MTUS1: variants seen among roughly 807,000 people sequenced by gnomAD.
The protein encoded by MTUS1 is microtubule associated scaffold protein 1.
MTUS1 carries 109 observed loss-of-function variants against 120.8 expected under a neutral mutation model. The ratio of observed to expected loss-of-function variants is 0.90; its 90% CI spans 0.77 to 1.06. The LOEUF (loss-of-function observed/expected upper bound fraction) is 1.06, where lower values mean the gene tolerates loss of function less well. MTUS1 is among the 50% of genes least tolerant of loss of function. MTUS1 has a pLI of 0.00. For synonymous variants in MTUS1, 737 were observed against 550.5 expected, an observed-to-expected ratio of 1.34 and a Z score of -4.74; for missense variants, 2,210 against 1,486.3, an observed-to-expected ratio of 1.49 and a Z score of -8.01.
chr8:17,783,506 G>A (rs1001098960), intron 1 of MTUS1, among the ~76,000 whole-genome samples: 1 of 152,074 alleles, frequency 6.6e-6, no homozygotes, highest in Admixed American at 6.5e-5. Context: ...TAGACATGGA[G>A]GAGGAGATGA....
intron 1 of MTUS1, among the ~76,000 whole-genome samples, chr8:17,799,504 T>C (rs1048084857): frequency 2.6e-5 from 4 of 152,196 alleles, no homozygotes; most frequent in African/African-American, 9.6e-5. Flanking sequence ...TCAATCTACC[T>C]ATTTTTATAC....
intron 12 of MTUS1, among the ~76,000 whole-genome samples, chr8:17,651,047 G>A (rs540413844): frequency 5.3e-5 from 8 of 152,348 alleles, no homozygotes; most frequent in African/African-American, 1.7e-4. Context: ...AAGAGGAAAC[G>A]TGTTCCACGG....
intron 6 of MTUS1, chr8:17,692,139 T>C (rs889248463): frequency 1.3e-5 from 2 of 152,172 alleles, no homozygotes; most frequent in South Asian, 2.1e-4. Flanking sequence ...GCTTGAGAAA[T>C]ACCTGTTCTG....
At chr8:17,727,331 T>C (rs1186798914) in intron 3 of MTUS1, among the ~76,000 whole-genome samples, 1 of 152,206 alleles carries the variant, frequency 6.6e-6, no homozygotes. Context: ...CCAGTGACAG[T>C]AAGGCCTAGA....
intron 1 of MTUS1, among the ~76,000 whole-genome samples, chr8:17,762,959 T>C (rs1224443732): frequency 6.6e-6 from 1 of 151,446 alleles, no homozygotes; most frequent in African/African-American, 2.4e-5. Flanking sequence ...AAAACAACAG[T>C]GGCTGTCAGG....
intron 1 of MTUS1, among the ~76,000 whole-genome samples, chr8:17,800,035 C>A (rs2052555090): frequency 6.6e-6 from 1 of 152,178 alleles, no homozygotes; most frequent in African/African-American, 2.4e-5. Context: ...CCTGCCCTAA[C>A]CATCCCTGAA....
chr8:17,695,449 G>A (rs923550833), intron 6 of MTUS1, among the ~76,000 whole-genome samples: 2 of 152,214 alleles, frequency 1.3e-5, no homozygotes, highest in Admixed American at 6.5e-5. Flanking sequence ...TCACCTCTAT[G>A]TGAACTCTAG....
At chr8:17,724,940 T>C (rs533831879) in intron 3 of MTUS1, among the ~76,000 whole-genome samples, 2 of 152,174 alleles carry the variant, frequency 1.3e-5, no homozygotes, top group Non-Finnish European at 2.9e-5. Flanking sequence ...TGTTTTATTT[T>C]TTTAAAAATC....
At chr8:17,669,774 G>C (rs1014705845) in intron 8 of MTUS1, among the ~76,000 whole-genome samples, 8 of 152,146 alleles carry the variant, frequency 5.3e-5, no homozygotes, top group African/African-American at 1.2e-4. Flanking sequence ...GAATCCAGGA[G>C]GTGGAGGTTG....
At chr8:17,648,689 C>T (rs1482311201) in intron 13 of MTUS1, among the ~76,000 whole-genome samples, 4 of 152,188 alleles carry the variant, frequency 2.6e-5, no homozygotes, top group South Asian at 4.1e-4. Flanking sequence ...TCATAGTCTC[C>T]AGAAGAAAAC....
At chr8:17,714,102 A>C (rs1037105749) in intron 5 of MTUS1, among the ~76,000 whole-genome samples, 4 of 151,716 alleles carry the variant, frequency 2.6e-5, no homozygotes, top group African/African-American at 9.7e-5. Context: ...TATCATCATC[A>C]ATAAAAAACC....
chr8:17,705,348 T>C (rs1819945806), intron 6 of MTUS1, among the ~76,000 whole-genome samples: 1 of 152,216 alleles, frequency 6.6e-6, no homozygotes, highest in Non-Finnish European at 1.5e-5. Flanking sequence ...ATACTAGTGT[T>C]CCTGGAAAGA....
At chr8:17,762,625 C>T (rs2049131885) in intron 1 of MTUS1, among the ~76,000 whole-genome samples, 1 of 152,154 alleles carries the variant, frequency 6.6e-6, no homozygotes, top group Admixed American at 6.5e-5. Flanking sequence ...CAGCAGGAAA[C>T]TAGAGTTGAT....
chr8:17,777,101 T>G (rs1005324923), intron 1 of MTUS1, among the ~76,000 whole-genome samples: 9 of 152,116 alleles, frequency 5.9e-5, no homozygotes, highest in African/African-American at 2.2e-4. Flanking sequence ...CACTTAAGTC[T>G]AACAGTATGC....
In MTUS1 at chr8:17,753,944, T is replaced by G. The variant is rs768066969; in HGVS notation, c.1864A>C (p.Asn622His). ...ACGGACCCGGTCTCGCATGCTGAGTTAGAAGAACTGGCTTTGTCAACATCT... is the reference window on the plus strand; with the variant it reads ...ACGGACCCGGTCTCGCATGCTGAGTGAGAAGAACTGGCTTTGTCAACATCT... ...QEDVDKASSSNSACETGSVSA... is the reference protein window; with the variant it reads ...QEDVDKASSSHSACETGSVSA... The change falls in exon 2 of 15, where the codon AAC becomes CAC. Residue 622 changes from asparagine to histidine, a missense_variant. Physicochemically the swap from Asn to His is moderately conservative, Grantham distance 68. Transcript: ENST00000693296. 1 of 1,614,226 alleles carries G rather than the reference T, an allele frequency of 6.2e-7. No homozygotes were observed.
At chr8:17,774,971 T>TAAAAAA (rs76567642) in intron 1 of MTUS1, among the ~76,000 whole-genome samples, 64 of 96,774 alleles carry the variant, frequency 6.6e-4, no homozygotes, top group Non-Finnish European at 1.1e-3. Flanking sequence ...ATATTATAAG[T>TAAAAAA]AAAAAAAAAA....
At chr8:17,734,603 G>A (rs915049336) in intron 3 of MTUS1, among the ~76,000 whole-genome samples, 1 of 152,092 alleles carries the variant, frequency 6.6e-6, no homozygotes, top group African/African-American at 2.4e-5. Context: ...AAAAATAACT[G>A]CCTTAGTCAC....
intron 6 of MTUS1, among the ~76,000 whole-genome samples, chr8:17,693,857 G>A (rs1276524461): frequency 6.6e-6 from 1 of 152,090 alleles, no homozygotes; most frequent in African/African-American, 2.4e-5. Context: ...CATTATGCCT[G>A]GTACACAGTA....
chr8:17,779,327 G>A lies in MTUS1; in HGVS notation c.-155+21734C>T, dbSNP rs577611303. On this transcript the variant is annotated intron_variant, in intron 1 of 14. Transcript: ENST00000693296. ...AGCCTAAAGACAGTGACCAGGAGAC[G>A]TAATGATGTGTTTTGGATTTCAGGG... 3.9e-5 allele frequency among the ~76,000 whole-genome samples: 6 copies of A among 152,174 alleles called. No individual in the cohort carries two copies. The South Asian group carries it at 6.2e-4, about 16-fold the overall frequency.
Sources: allele counts gnomAD v4.1 joint callset (sites outside exome capture counted in the v4.1 genomes callset), GRCh38; gene constraint gnomAD v4.1.1; transcripts MANE v1.5; gene names NCBI Gene and HGNC (gene_info 2026-07-23, HGNC 2026-07-21).